Variants in PDZK1 observed in about 807,000 individuals in gnomAD.
PDZK1 encodes PDZ domain containing 1.
Under a neutral mutation model 38.1 loss-of-function variants are expected in PDZK1, and 23 were observed. The ratio of observed to expected loss-of-function variants is 0.60; its 90% CI spans 0.43 to 0.85. PDZK1 has a LOEUF of 0.85. Ranked by LOEUF, PDZK1 falls within the 40% of genes least tolerant of loss-of-function variation. The pLI is 0.00. For synonymous variants in PDZK1, 98 were observed against 186.2 expected (o/e 0.53, Z 3.86); for missense variants, 297 against 504.3 (o/e 0.59, Z 3.94).
intron 8 of PDZK1, chr1:145,671,774 C>T (rs1653084308): frequency 8.7e-6 from 3 of 346,768 alleles, no homozygotes; most frequent in East Asian, 1.2e-4. Flanking sequence ...TGCTGTTTGA[C>T]ACATTAACAA....
chr1:145,706,512 T>C (rs1553705756), intron 1 of PDZK1, among the ~76,000 whole-genome samples: 1 of 152,104 alleles, frequency 6.6e-6, no homozygotes, highest in African/African-American at 2.4e-5. Context: ...TAAAGAAGAA[T>C]GTGTTTCTCA....
chr1:145,674,755 G>A (rs1215267621), intron 6 of PDZK1, among the ~76,000 whole-genome samples: 2 of 152,134 alleles, frequency 1.3e-5, no homozygotes, highest in East Asian at 1.9e-4. Context: ...ACAGCCTGTC[G>A]TGGGGCTTCT....
intron 1 of PDZK1, among the ~76,000 whole-genome samples, chr1:145,695,482 AG>A (rs1655581627): frequency 6.6e-6 from 1 of 152,036 alleles, no homozygotes; most frequent in Non-Finnish European, 1.5e-5. Flanking sequence ...AGAAAGAAAG[AG>A]GGAAAGCTTG....
intron 1 of PDZK1, among the ~76,000 whole-genome samples, chr1:145,693,618 C>CA (rs1655415843): frequency 6.6e-6 from 1 of 151,854 alleles, no homozygotes; most frequent in African/African-American, 2.4e-5. Context: ...ACTAAAAATA[C>CA]AAAAAATTAG....
At chr1:145,700,304 A>G (rs1655887897) in intron 1 of PDZK1, among the ~76,000 whole-genome samples, 2 of 152,348 alleles carry the variant, frequency 1.3e-5, no homozygotes, top group South Asian at 2.1e-4. Flanking sequence ...ATTACAAAAT[A>G]GAACCAAATG....
chr1:145,682,009 A>AC (rs1553700481), intron 4 of PDZK1, among the ~76,000 whole-genome samples: 4 of 108,264 alleles, frequency 3.7e-5, no homozygotes, highest in Admixed American at 1.8e-4. Flanking sequence ...ATCTCTACAA[A>AC]ACACACACAC....
At chr1:145,705,597 T>G (rs1272287656) in intron 1 of PDZK1, among the ~76,000 whole-genome samples, 2 of 152,182 alleles carry the variant, frequency 1.3e-5, no homozygotes, top group Admixed American at 1.3e-4. Flanking sequence ...TCTCAACTTC[T>G]TATTTGTAAG....
At position 145,673,035 on chromosome 1, in the gene PDZK1, T is replaced by G. The variant is rs1653250366; in HGVS notation, c.1216-15A>C. On this transcript the variant is annotated splice_polypyrimidine_tract_variant and intron_variant, in intron 7 of 8. Coordinates refer to ENST00000417171, the MANE Select transcript of PDZK1 (RefSeq NM_001201325.2). ...CCCTTCTGTACCTGTGAACAGAAGT[T>G]CTGAGTTATCAATTTCAAACAGAGA... The G allele has an allele frequency of 2.1e-6, 3 of 1,416,012 alleles. No individual in the cohort carries two copies. Among genetic ancestry groups the G allele is most frequent in the Non-Finnish European group, 3.0e-6 (3 of 1,004,600 alleles). The allele number at this position is 1,416,012 out of a possible 1,614,324, so 87.7% of individuals were successfully genotyped here.
chr1:145,698,213 G>A (rs782294960), intron 1 of PDZK1, among the ~76,000 whole-genome samples: 55 of 152,220 alleles, frequency 3.6e-4, no homozygotes, highest in Middle Eastern at 3.4e-3. Flanking sequence ...GTGGCCGAGA[G>A]GGGACGGAGG....
Position 145,671,367 on chromosome 1 carries a change from A to G in PDZK1, c.*69T>C, listed in dbSNP as rs1347868990. ...TAAACAGGTCACAACTCATTCCTTG[A>G]GAAAGGATTCCTATTAAATACCCAG... is the stretch of plus-strand genomic sequence containing the variant. On this transcript the variant is annotated 3_prime_UTR_variant, in exon 9 of 9. Transcript: ENST00000417171. 16 of 1,606,352 alleles carry G rather than the reference A, an allele frequency of 1.0e-5. No individual in the cohort carries two copies. In the Admixed American group the frequency reaches 1.3e-4, roughly 13 times the overall value.
At chr1:145,702,837 G>T (rs1412589830) in intron 1 of PDZK1, among the ~76,000 whole-genome samples, 1 of 152,200 alleles carries the variant, frequency 6.6e-6, no homozygotes, top group Non-Finnish European at 1.5e-5. Context: ...AGCTTGCAGT[G>T]AGCCAAGATC....
rs1323454618 is a variant in PDZK1 at position 145,671,170 on chromosome 1, T to G, written c.*266A>C. The G allele has an allele frequency of 2.5e-5, 27 of 1,095,776 alleles. No individual in the cohort carries two copies. The highest frequency in any genetic ancestry group is 3.2e-5 in the Non-Finnish European group (27 of 837,826). The allele number at this position is 1,095,776 out of a possible 1,614,324, so 67.9% of individuals were successfully genotyped here. A position where few individuals can be genotyped will look rare whatever the true frequency, so the allele number is the denominator to read the frequency against. Reference sequence around the variant, plus strand: ...ATCATACAGAGAAATGTAGTTAAGTTAAGTTGAAGCTTGGAAAAGATCACA... The same window carrying G: ...ATCATACAGAGAAATGTAGTTAAGTGAAGTTGAAGCTTGGAAAAGATCACA... On this transcript the variant is annotated 3_prime_UTR_variant, in exon 9 of 9. Transcript: ENST00000417171.
In PDZK1 at chr1:145,686,650, A is replaced by C. The variant is rs782400849; in HGVS notation, c.287T>G (p.Val96Gly). 1.4e-5 allele frequency: 23 copies of C among 1,592,798 alleles called. No homozygotes were observed. The South Asian group carries it at 2.5e-4, about 17-fold the overall frequency. ...VLDGDSYEKAVKTRVDLKELG... is the reference protein window; with the variant it reads ...VLDGDSYEKAGKTRVDLKELG... ...CTCTTTCAAGTCCACCCGTGTTTTC[A>C]CTGCTTTCTCATAGGAATCCCCATC... Residue 96 changes from valine (V) to glycine (G), a missense_variant, in exon 3 of 9, where the codon GTG becomes GGG. By Grantham distance (109) the Val-to-Gly change is moderately radical. This residue lies in a region of PDZK1 where 159 missense variants were observed against 200.0 expected (regional missense o/e 0.79). Coordinates refer to ENST00000417171, the MANE Select transcript of PDZK1 (RefSeq NM_001201325.2).
At chr1:145,702,315 T>A (rs1485167834) in intron 1 of PDZK1, among the ~76,000 whole-genome samples, 1 of 152,062 alleles carries the variant, frequency 6.6e-6, no homozygotes, top group Admixed American at 6.6e-5. Flanking sequence ...CTAAGAGTTC[T>A]ATGAGTTGGG....
intron 1 of PDZK1, among the ~76,000 whole-genome samples, chr1:145,705,091 G>C (rs969875314): frequency 2.0e-5 from 3 of 152,066 alleles, no homozygotes; most frequent in Non-Finnish European, 4.4e-5. Context: ...AAGTAAAAGA[G>C]ATGATTTTTT....
intron 6 of PDZK1, among the ~76,000 whole-genome samples, chr1:145,677,910 TAAAAAAAAAAAAAA>T (rs71077285): frequency 0.021 from 1,451 of 68,460 alleles, 38 homozygotes; most frequent in African/African-American, 0.078. Context: ...GTGTTAAAAG[TAAAAAAAAAAAAAA>T]AAAAAAAAAA....
chr1:145,697,159 T>C (rs587664804), intron 1 of PDZK1, among the ~76,000 whole-genome samples: 3 of 152,156 alleles, frequency 2.0e-5, no homozygotes, highest in East Asian at 3.9e-4. Flanking sequence ...AAGCCCCATC[T>C]CTTCTAAAAA....
intron 6 of PDZK1, among the ~76,000 whole-genome samples, chr1:145,678,147 G>A (rs1218085448): frequency 1.2e-5 from 1 of 80,338 alleles, no homozygotes; most frequent in Non-Finnish European, 2.3e-5. Flanking sequence ...TTCCTATTTT[G>A]GGAACAATTT....
Position 145,671,100 on chromosome 1 carries a change from G to T in PDZK1, c.*336C>A. 6.1e-6 allele frequency: 2 copies of T among 326,548 alleles called. No individual in the cohort carries two copies. The highest frequency in any genetic ancestry group is 5.1e-5 in the South Asian group (2 of 39,528). The allele number at this position is 326,548 out of a possible 1,614,324, so 20.2% of individuals were successfully genotyped here. A position where few individuals can be genotyped will look rare whatever the true frequency, so the allele number is the denominator to read the frequency against. ...GCAGCTGTCACCTATACAGAGTTAT[G>T]AATCATCTTTGGTGCTCAAGGAACC... is the stretch of plus-strand genomic sequence containing the variant. On this transcript the variant is annotated 3_prime_UTR_variant, in exon 9 of 9. Transcript: ENST00000417171.
Sources: allele counts gnomAD v4.1 joint callset (sites outside exome capture counted in the v4.1 genomes callset), GRCh38; gene constraint gnomAD v4.1.1; regional missense constraint gnomAD v4.1.1; transcripts MANE v1.5; gene names NCBI Gene and HGNC (gene_info 2026-07-23, HGNC 2026-07-21).